The following SLC5A8 variants were observed in gnomAD, a reference collection of about 807,000 sequenced individuals.
SLC5A8 encodes the protein sodium-coupled monocarboxylate transporter 1.
A neutral mutation model predicts 71.9 loss-of-function variants in SLC5A8; 55 were observed. The observed-to-expected ratio is 0.77, with a 90% CI of 0.62 to 0.96. The LOEUF (loss-of-function observed/expected upper bound fraction) is 0.96, where lower values mean the gene tolerates loss of function less well. Among genes scored for constraint, SLC5A8 ranks in the 40% least tolerant of loss-of-function variants. SLC5A8 has a pLI of 0.00. For missense variants in SLC5A8, 701 were observed against 745.3 expected (o/e 0.94, Z 0.69); for synonymous variants, 307 against 276.1 (o/e 1.11, Z -1.11).
intron 9 of SLC5A8, among the ~76,000 whole-genome samples, chr12:101,181,835 A>G (rs930430979): frequency 2.6e-5 from 4 of 152,198 alleles, no homozygotes; most frequent in African/African-American, 9.6e-5. Context: ...TGCTATTTAA[A>G]TTTAGGGAAT....
At chr12:101,195,997 T>C (rs568146993) in intron 3 of SLC5A8, among the ~76,000 whole-genome samples, 15 of 152,226 alleles carry the variant, frequency 9.9e-5, no homozygotes, top group African/African-American at 3.6e-4. Flanking sequence ...GCCTGGCCGG[T>C]AATGCTTTTT....
chr12:101,181,988 G>T (rs1041344909), intron 9 of SLC5A8, among the ~76,000 whole-genome samples: 15 of 152,106 alleles, frequency 9.9e-5, no homozygotes, highest in Admixed American at 6.5e-4. Flanking sequence ...ATTCTTTCTC[G>T]AAAAGGAATT....
intron 3 of SLC5A8, among the ~76,000 whole-genome samples, chr12:101,196,474 A>G (rs1869183671): frequency 6.6e-6 from 1 of 152,208 alleles, no homozygotes; most frequent in African/African-American, 2.4e-5. Flanking sequence ...GATACAAGTC[A>G]GGCTACTTTA....
intron 2 of SLC5A8, 53 bp downstream of exon 2, chr12:101,204,447 T>C: frequency 1.4e-6 from 2 of 1,460,208 alleles, no homozygotes; most frequent in Non-Finnish European, 1.9e-6. Flanking sequence ...CCAGATGCCA[T>C]GGTTAAAAAC....
chr12:101,169,781 C>T (rs1451636462), intron 10 of SLC5A8, among the ~76,000 whole-genome samples: 2 of 152,128 alleles, frequency 1.3e-5, no homozygotes. Flanking sequence ...TTGCTTTGTC[C>T]TGGGCACTGC....
At chr12:101,161,056 C>A (rs1449464120) in intron 13 of SLC5A8, among the ~76,000 whole-genome samples, 5 of 152,188 alleles carry the variant, frequency 3.3e-5, no homozygotes, top group Non-Finnish European at 5.9e-5. Context: ...CAGCTGGTAG[C>A]AGAGCGCTGT....
At chr12:101,192,685 A>G (rs1316195197) in intron 5 of SLC5A8, among the ~76,000 whole-genome samples, 1 of 152,242 alleles carries the variant, frequency 6.6e-6, no homozygotes, top group African/African-American at 2.4e-5. Context: ...CATAGACTGT[A>G]ACTTTCCTAG....
chr12:101,177,996 C>A (rs1235398954), intron 10 of SLC5A8, among the ~76,000 whole-genome samples: 5 of 152,122 alleles, frequency 3.3e-5, no homozygotes, highest in Non-Finnish European at 7.4e-5. Flanking sequence ...TATAACAAAA[C>A]AAACTAAACC....
intron 4 of SLC5A8, among the ~76,000 whole-genome samples, chr12:101,194,065 T>G (rs1434544706): frequency 6.6e-6 from 1 of 152,182 alleles, no homozygotes; most frequent in Non-Finnish European, 1.5e-5. Flanking sequence ...TGGGGCCAGA[T>G]ACATTCCACA....
intron 10 of SLC5A8, 36 bp from the exon 11 acceptor site, chr12:101,168,218 T>A (rs1362864968): frequency 1.9e-6 from 3 of 1,546,504 alleles, no homozygotes; most frequent in Non-Finnish European, 2.6e-6. Flanking sequence ...ATTAGCAATC[T>A]CAAATCGAAA....
intron 2 of SLC5A8, 73 bp from the exon 3 acceptor site, chr12:101,202,288 TATTG>T (rs1869489678): frequency 7.7e-7 from 1 of 1,295,824 alleles, no homozygotes; most frequent in Non-Finnish European, 1.0e-6. Flanking sequence ...AGTTATAAAA[TATTG>T]ATTGTTTTCC....
In SLC5A8 at chr12:101,210,161, AC is replaced by A. The variant is rs947355771; in HGVS notation, c.-314del. 1 of 358,818 alleles carries A rather than the reference AC, an allele frequency of 2.8e-6. No homozygotes were observed. The highest frequency in any genetic ancestry group is 2.1e-5 in the African/African-American group (1 of 47,112). 22.2% of individuals were successfully genotyped at this position (358,818 alleles called of 1,614,324 possible). On this transcript the variant is annotated 5_prime_UTR_variant, in exon 1 of 15. Transcript: ENST00000536262. ...CCGAGTTCGCCAAGGCGCCGGGGAC[AC>A]CTGAGCAGATGAGAACTGGAGCCTC... is the stretch of plus-strand genomic sequence containing the variant.
chr12:101,191,818 A>C (rs1227062983), intron 5 of SLC5A8, among the ~76,000 whole-genome samples: 1 of 152,254 alleles, frequency 6.6e-6, no homozygotes, highest in Admixed American at 6.5e-5. Context: ...AACACAAATA[A>C]GGCTTTTTAT....
chr12:101,166,816 A>G (rs2051776122), intron 11 of SLC5A8, 117 bp from the exon 12 acceptor site: 1 of 851,864 alleles, frequency 1.2e-6, no homozygotes, highest in Non-Finnish European at 1.8e-6. Context: ...AAGGGCAGAA[A>G]CATTCAACGC....
At chr12:101,189,503 A>G (rs1292581599) in intron 6 of SLC5A8, among the ~76,000 whole-genome samples, 1 of 152,134 alleles carries the variant, frequency 6.6e-6, no homozygotes, top group East Asian at 1.9e-4. Flanking sequence ...CTCTTATTCA[A>G]TCTCCTTAGA....
Position 101,163,850 on chromosome 12 carries a change from G to A in SLC5A8, c.1527-1773C>T, listed in dbSNP as rs186944139. 1.1e-4 allele frequency among the ~76,000 whole-genome samples: 17 copies of A among 152,272 alleles called. No homozygotes were observed. In the South Asian group the frequency reaches 2.9e-3, roughly 26 times the overall value. On this transcript the variant is annotated intron_variant, in intron 12 of 14. Transcript: ENST00000536262. ...TTACTTGGTTAACATCGTTTTCATC[G>A]CCAGTGCATTCAATGGGGCAAAAGG...
At chr12:101,171,282 T>C (rs997974222) in intron 10 of SLC5A8, among the ~76,000 whole-genome samples, 1 of 152,126 alleles carries the variant, frequency 6.6e-6, no homozygotes, top group Admixed American at 6.5e-5. Context: ...TGGTTGGAAA[T>C]CCCCGGCCAG....
At position 101,202,545 on chromosome 12, in the gene SLC5A8, GA is replaced by G. The variant is rs937884683; in HGVS notation, c.418-331del. Among the ~76,000 whole-genome samples, 17 of 151,226 alleles carry G rather than the reference GA, an allele frequency of 1.1e-4. No individual in the cohort carries two copies. In the South Asian group the frequency reaches 1.5e-3, roughly 13 times the overall value. On this transcript the variant is annotated intron_variant, in intron 2 of 14. Coordinates refer to ENST00000536262, the MANE Select transcript of SLC5A8 (RefSeq NM_145913.5). ...AAATTTCCTACATCTGAAATAATTAGAAAAAAATAAATAATAATAATATAAA... is the reference window on the plus strand; with the variant it reads ...AAATTTCCTACATCTGAAATAATTAGAAAAAATAAATAATAATAATATAAA...
intron 4 of SLC5A8, among the ~76,000 whole-genome samples, chr12:101,194,767 G>A (rs1167516145): frequency 6.6e-6 from 1 of 152,142 alleles, no homozygotes; most frequent in African/African-American, 2.4e-5. Context: ...GGGAGCCACT[G>A]TGCCTATGAC....
Sources: allele counts gnomAD v4.1 joint callset (sites outside exome capture counted in the v4.1 genomes callset), GRCh38; gene constraint gnomAD v4.1.1; transcripts MANE v1.5; gene names NCBI Gene and HGNC (gene_info 2026-07-23, HGNC 2026-07-21).